Variants in CHRNA7 observed in about 807,000 individuals in gnomAD.
CHRNA7 encodes cholinergic receptor nicotinic alpha 7 subunit, also known as neuronal acetylcholine receptor subunit alpha-7.
CHRNA7 carries 17 observed loss-of-function variants against 48.0 expected under a neutral mutation model. The observed-to-expected ratio is 0.35, with a 90% CI of 0.24 to 0.53. CHRNA7 has a LOEUF of 0.53. Ranked by LOEUF, CHRNA7 falls within the 20% of genes least tolerant of loss-of-function variation. The pLI, the probability that CHRNA7 is intolerant of heterozygous loss-of-function variation, is 0.92. For synonymous variants in CHRNA7, 75 were observed against 242.3 expected, an observed-to-expected ratio of 0.31 and a Z score of 6.41; for missense variants, 155 against 577.7, an observed-to-expected ratio of 0.27 and a Z score of 7.50.
At chr15:32,114,058 A>ATATATATATATATG in intron 4 of CHRNA7, among the ~76,000 whole-genome samples, 1 of 47,358 alleles carries the variant, frequency 2.1e-5, no homozygotes, top group African/African-American at 5.4e-5. Context: ...ATATATATAT[A>ATATATATATATATG]TACATATATA....
intron 2 of CHRNA7, among the ~76,000 whole-genome samples, chr15:32,094,794 G>T (rs2050439790): frequency 6.6e-6 from 1 of 152,122 alleles, no homozygotes; most frequent in Admixed American, 6.5e-5. Context: ...CCAAGTAGCT[G>T]GGACTGCAGG....
At chr15:32,117,922 T>C (rs960785038) in intron 4 of CHRNA7, among the ~76,000 whole-genome samples, 4 of 151,984 alleles carry the variant, frequency 2.6e-5, no homozygotes, top group African/African-American at 9.6e-5. Context: ...ATGTGGTTGC[T>C]ATAGTTTGAA....
chr15:32,073,492 T>C (rs2050089720), intron 2 of CHRNA7, among the ~76,000 whole-genome samples: 1 of 152,216 alleles, frequency 6.6e-6, no homozygotes, highest in African/African-American at 2.4e-5. Context: ...TGGGGACTAT[T>C]TGGAAGGGAT....
chr15:32,144,848 C>T (rs1375089014), intron 4 of CHRNA7, among the ~76,000 whole-genome samples: 1 of 152,184 alleles, frequency 6.6e-6, no homozygotes, highest in African/African-American at 2.4e-5. Flanking sequence ...AGCTTCCTTG[C>T]AATGGGTTCG....
At chr15:32,047,826 T>C (rs1286229958) in intron 2 of CHRNA7, among the ~76,000 whole-genome samples, 1 of 152,220 alleles carries the variant, frequency 6.6e-6, no homozygotes, top group Non-Finnish European at 1.5e-5. Flanking sequence ...ATAGCTCTTA[T>C]TATTTTGAGA....
At chr15:32,072,358 A>G (rs1268473821) in intron 2 of CHRNA7, among the ~76,000 whole-genome samples, 1 of 152,222 alleles carries the variant, frequency 6.6e-6, no homozygotes, top group East Asian at 1.9e-4. Context: ...AGTTACATTT[A>G]AAAGGGGAGC....
chr15:32,153,799 AGG>A, intron 4 of CHRNA7, 106 bp from the exon 5 acceptor site: 1 of 552,242 alleles, frequency 1.8e-6, no homozygotes, highest in Non-Finnish European at 3.3e-6. Context: ...GAGGACAGAC[AGG>A]GGCCCCTCTC....
At chr15:32,049,477 T>C (rs866421186) in intron 2 of CHRNA7, among the ~76,000 whole-genome samples, 12 of 152,216 alleles carry the variant, frequency 7.9e-5, no homozygotes, top group Non-Finnish European at 1.2e-4. Context: ...ACCCCTGCCC[T>C]TTTTTGTTTT....
intron 2 of CHRNA7, among the ~76,000 whole-genome samples, chr15:32,049,553 A>G (rs1267977957): frequency 6.6e-6 from 1 of 152,050 alleles, no homozygotes; most frequent in Non-Finnish European, 1.5e-5. Context: ...TGCACGTGAG[A>G]TGGGTTTCCT....
intron 4 of CHRNA7, among the ~76,000 whole-genome samples, chr15:32,114,045 T>TATATATACACACAC (rs1555383680): frequency 1.1e-3 from 39 of 35,356 alleles, no homozygotes; most frequent in South Asian, 6.2e-3. Context: ...TATATATATG[T>TATATATACACACAC]ATATATATAT....
intron 2 of CHRNA7, among the ~76,000 whole-genome samples, chr15:32,059,660 C>T (rs1386332870): frequency 6.6e-6 from 1 of 152,098 alleles, no homozygotes; most frequent in Non-Finnish European, 1.5e-5. Context: ...GAAATTCCAA[C>T]TTGAGTCTAA....
At position 32,168,458 on chromosome 15, in the gene CHRNA7, AC is replaced by A; in HGVS notation, c.*2del. On this transcript the variant is annotated 3_prime_UTR_variant, in exon 10 of 10. Transcript: ENST00000306901. Reference sequence around the variant, plus strand: ...AGGCCGTGTCCAAAGACTTTGCGTAACCACGCCTGGTTCTGTACATGTGGAA... The same window carrying A: ...AGGCCGTGTCCAAAGACTTTGCGTAACACGCCTGGTTCTGTACATGTGGAA... The A allele has an allele frequency of 2.0e-6, 1 of 489,150 alleles. No homozygotes were observed. The highest frequency in any genetic ancestry group is 2.1e-5 in the South Asian group (1 of 47,278). The allele number at this position is 489,150 out of a possible 1,614,324, so 30.3% of individuals were successfully genotyped here.
intron 4 of CHRNA7, among the ~76,000 whole-genome samples, chr15:32,140,631 A>G (rs905875020): frequency 7.2e-5 from 11 of 152,132 alleles, no homozygotes; most frequent in Admixed American, 2.6e-4. Flanking sequence ...TGTGAGAGAG[A>G]TGGTATCTCA....
At chr15:32,032,654 A>C (rs1483030004) in intron 2 of CHRNA7, among the ~76,000 whole-genome samples, 1 of 151,930 alleles carries the variant, frequency 6.6e-6, no homozygotes, top group Non-Finnish European at 1.5e-5. Context: ...TCCAGGGTCA[A>C]CTCCAGCCAG....
At chr15:32,105,210 C>G (rs945677124) in intron 3 of CHRNA7, among the ~76,000 whole-genome samples, 8 of 152,232 alleles carry the variant, frequency 5.3e-5, no homozygotes, top group African/African-American at 1.9e-4. Flanking sequence ...CCTCTTGGAG[C>G]AACCTACTCT....
chr15:32,072,223 A>C (rs1177248474), intron 2 of CHRNA7, among the ~76,000 whole-genome samples: 1 of 152,226 alleles, frequency 6.6e-6, no homozygotes, highest in Non-Finnish European at 1.5e-5. Flanking sequence ...AGTTGAACTT[A>C]AGAGTGATAA....
intron 2 of CHRNA7, among the ~76,000 whole-genome samples, chr15:32,047,588 T>A (rs1367175932): frequency 2.6e-5 from 4 of 152,148 alleles, no homozygotes; most frequent in African/African-American, 2.4e-5. Context: ...CAATGGGGTT[T>A]TCTAGATATA....
intron 4 of CHRNA7, among the ~76,000 whole-genome samples, chr15:32,145,423 C>T (rs754468753): frequency 6.6e-5 from 10 of 152,190 alleles, no homozygotes; most frequent in East Asian, 5.8e-4. Context: ...GCTTGAACGC[C>T]GTGCTGGGAG....
chr15:32,103,146 G>A (rs1428477595), intron 3 of CHRNA7: 3 of 152,186 alleles, frequency 2.0e-5, no homozygotes, highest in Admixed American at 1.3e-4. Context: ...GTCCCATGTG[G>A]TTCTTGGGCA....
Sources: gnomAD v4.1 joint callset for allele counts (sites outside exome capture counted in the v4.1 genomes callset) on GRCh38, gnomAD v4.1.1 for gene constraint, MANE v1.5 for transcripts, NCBI Gene and HGNC (gene_info 2026-07-23, HGNC 2026-07-21) for gene names.